JMY: variants seen among roughly 807,000 people sequenced by gnomAD.
JMY encodes junction-mediating and -regulatory protein.
In JMY, 46 loss-of-function variants were observed where a neutral mutation model predicts 103.3. The ratio of observed to expected loss-of-function variants is 0.45; its 90% CI spans 0.35 to 0.57. The LOEUF is 0.57. Ranked by LOEUF, JMY falls within the 20% of genes least tolerant of loss-of-function variation. The pLI is 0.00. For missense variants in JMY, 1,238 were observed against 1,255.2 expected (o/e 0.99, Z 0.21); for synonymous variants, 526 against 489.3 (o/e 1.07, Z -0.99).
At chr5:79,278,173 A>T (rs971148196) in intron 2 of JMY, 90 bp downstream of exon 2, 41 of 346,162 alleles carry the variant, frequency 1.2e-4, no homozygotes, top group Admixed American at 5.3e-4. Flanking sequence ...GGAACTTTAA[A>T]AAAAAAAAAA....
chr5:79,286,427 G>A (rs888295103), intron 2 of JMY, among the ~76,000 whole-genome samples: 4 of 152,102 alleles, frequency 2.6e-5, no homozygotes, highest in African/African-American at 9.7e-5. Context: ...AATCACCTGA[G>A]GTCAGGAGTT....
chr5:79,290,084 A>G (rs1481814600), intron 2 of JMY, 37 bp from the exon 3 acceptor site: 1 of 1,507,370 alleles, frequency 6.6e-7, no homozygotes, highest in Non-Finnish European at 8.9e-7. Flanking sequence ...TAGAAGAAAG[A>G]CTTGAACTTC....
intron 9 of JMY, among the ~76,000 whole-genome samples, chr5:79,315,159 A>T (rs534107929): frequency 4.0e-5 from 6 of 150,258 alleles, no homozygotes; most frequent in East Asian, 1.9e-4. Flanking sequence ...TGAGATTTTT[A>T]AAAAAATACT....
At chr5:79,289,758 A>T (rs1402483051) in intron 2 of JMY, among the ~76,000 whole-genome samples, 1 of 150,486 alleles carries the variant, frequency 6.6e-6, no homozygotes, top group Non-Finnish European at 1.5e-5. Context: ...TTAAGGAAAT[A>T]AACAATTTAA....
Position 79,278,048 on chromosome 5 carries a change from A to G in JMY, c.1171A>G (p.Arg391Gly). The change falls in exon 2 of 11, where the codon AGA (arginine) becomes GGA (glycine). Residue 391 changes from arginine to glycine, a missense_variant. Transcript: ENST00000396137. Reference protein sequence around the residue: ...QYLLQPFRDMRELAMLRRQQI... With the variant: ...QYLLQPFRDMGELAMLRRQQI... ...TTTACTACAGCCATTCCGAGACATG[A>G]GAGAACTTGCCATGCTACGAAGACA... 6.2e-7 allele frequency: 1 copy of G among 1,613,852 alleles called. No individual in the cohort carries two copies. Among genetic ancestry groups the G allele is most frequent in the Non-Finnish European group, 8.5e-7 (1 of 1,179,846 alleles).
At chr5:79,289,967 GTAT>G (rs1307682525) in intron 2 of JMY, among the ~76,000 whole-genome samples, 151 bp from the exon 3 acceptor site, 3 of 152,140 alleles carry the variant, frequency 2.0e-5, no homozygotes, top group East Asian at 1.9e-4. Context: ...AATATCTTCA[GTAT>G]TATTGTTAAT....
chr5:79,300,857 T>A lies in JMY; in HGVS notation c.1875T>A (p.Asn625Lys). Residue 625 changes from asparagine to lysine, a missense_variant, in exon 6 of 11, where the codon AAT becomes AAA. Asn to Lys is a moderately conservative substitution (Grantham distance 94). Coordinates refer to ENST00000396137, the MANE Select transcript of JMY (RefSeq NM_152405.5). ...RVSAKKSYLR[N>K]KKEICIAKHN... The stretch of plus-strand genomic sequence containing the variant: ...CTGCCAAGAAATCCTACCTCAGAAA[T>A]AAAAAGGTATTTAAATATTGCTTTT... The A allele has an allele frequency of 6.3e-7, 1 of 1,588,326 alleles. No homozygotes were observed. Among genetic ancestry groups the A allele is most frequent in the African/African-American group, 1.4e-5 (1 of 73,198 alleles).
In JMY at chr5:79,236,744, A is replaced by G; in HGVS notation, c.94A>G (p.Ile32Val). 6.6e-7 allele frequency: 1 copy of G among 1,508,154 alleles called. No individual in the cohort carries two copies. The highest frequency in any genetic ancestry group is 8.9e-7 in the Non-Finnish European group (1 of 1,126,346). The allele number at this position is 1,508,154 out of a possible 1,614,324, so 93.4% of individuals were successfully genotyped here. A position where few individuals can be genotyped will look rare whatever the true frequency, so the allele number is the denominator to read the frequency against. Residue 32 changes from isoleucine to valine, a missense_variant, in exon 1 of 11, where the codon ATT (isoleucine) becomes GTT (valine). Transcript: ENST00000396137. ...DEREKHKFVF[I>V]VAWNEIEGKF... ...GCGCGAGAAACACAAATTCGTCTTT[A>G]TTGTGGCCTGGAACGAGATTGAGGG...
intron 3 of JMY, among the ~76,000 whole-genome samples, 166 bp downstream of exon 3, chr5:79,290,437 A>G (rs1004064272): frequency 3.3e-5 from 5 of 152,048 alleles, no homozygotes; most frequent in East Asian, 1.9e-4. Context: ...CAGTCTTTTC[A>G]TAGATACATA....
chr5:79,241,960 G>C (rs1017480275), intron 1 of JMY, among the ~76,000 whole-genome samples: 1 of 152,068 alleles, frequency 6.6e-6, no homozygotes, highest in African/African-American at 2.4e-5. Context: ...CTGCAGCTTA[G>C]GTTTGACCTG....
chr5:79,236,413 G>T lies in JMY; in HGVS notation c.-238G>T. The T allele has an allele frequency of 2.7e-6, 1 of 364,204 alleles. No homozygotes were observed. Among genetic ancestry groups the T allele is most frequent in the East Asian group, 4.1e-5 (1 of 24,392 alleles). The allele number at this position is 364,204 out of a possible 1,614,324, so 22.6% of individuals were successfully genotyped here. A position where few individuals can be genotyped will look rare whatever the true frequency, so the allele number is the denominator to read the frequency against. On this transcript the variant is annotated 5_prime_UTR_variant, in exon 1 of 11. Transcript: ENST00000396137. The stretch of plus-strand genomic sequence containing the variant: ...CTTGTAAACAGATCCGGCCGCAGGT[G>T]ACCATGTGAACTACCTGCTCCCGGG...
intron 2 of JMY, among the ~76,000 whole-genome samples, chr5:79,282,180 C>G (rs1746137385): frequency 6.6e-6 from 1 of 152,020 alleles, no homozygotes. Flanking sequence ...GCATTCCAAC[C>G]TGGGTGACAG....
chr5:79,312,513 G>GGTC lies in JMY; in HGVS notation c.2064+16_2064+18dup. 7.4e-7 allele frequency: 1 copy of GGTC among 1,344,152 alleles called. No individual in the cohort carries two copies. Among genetic ancestry groups the GGTC allele is most frequent in the Non-Finnish European group, 1.0e-6 (1 of 987,146 alleles). The allele number at this position is 1,344,152 out of a possible 1,614,324, so 83.3% of individuals were successfully genotyped here. ...CATTTAAACAGGTATTAAAAGTAAT[G>GGTC]GTCCATTTATTGTTTTTCTTTTTTT... On this transcript the variant is annotated intron_variant, in intron 8 of 10. Transcript: ENST00000396137.
intron 2 of JMY, among the ~76,000 whole-genome samples, chr5:79,281,887 G>T (rs901827232): frequency 1.3e-5 from 2 of 152,138 alleles, no homozygotes; most frequent in African/African-American, 4.8e-5. Context: ...CTAACACAAA[G>T]AGCATAAACT....
In JMY at chr5:79,314,466, TGAA is replaced by T. The variant is rs1221920932; in HGVS notation, c.2277_2279del (p.Glu759del). ...CAGAACCCCAGAGCCTTGTGCAACT[TGAA>T]GATACTTCATTAACACAACTTGAAG... On this transcript the variant is annotated inframe_deletion, in exon 9 of 11. Coordinates refer to ENST00000396137, the MANE Select transcript of JMY (RefSeq NM_152405.5). 1 of 1,614,010 alleles carries T rather than the reference TGAA, an allele frequency of 6.2e-7. No individual in the cohort carries two copies. The highest frequency in any genetic ancestry group is 1.7e-5 in the Admixed American group (1 of 59,988).
chr5:79,267,783 T>TG (rs1745628166), intron 1 of JMY, among the ~76,000 whole-genome samples: 1 of 152,250 alleles, frequency 6.6e-6, no homozygotes, highest in Admixed American at 6.5e-5. Context: ...TCCATTCACC[T>TG]GTTGAAAGAC....
At chr5:79,296,740 T>G (rs190990526) in intron 4 of JMY, among the ~76,000 whole-genome samples, 4 of 152,368 alleles carry the variant, frequency 2.6e-5, no homozygotes, top group Non-Finnish European at 5.9e-5. Context: ...ATTTTTTGAA[T>G]GAATGATTCA....
At chr5:79,284,053 TTTTTTTTA>T in intron 2 of JMY, 1 of 993,688 alleles carries the variant, frequency 1.0e-6, no homozygotes, top group Non-Finnish European at 1.4e-6. Flanking sequence ...AATTACTTTC[TTTTTTTTA>T]TTTTTTTATT....
rs1747507850 is a variant in JMY, at chr5:79,322,962, T to G, written c.*1360T>G. ...AAGCCCAGTGTATATGAATTGGTAT[T>G]CCTAGAGAAAAAAAGAAATGCTCAC... On this transcript the variant is annotated 3_prime_UTR_variant, in exon 11 of 11. Transcript: ENST00000396137. 2 of 152,180 alleles carry G rather than the reference T, an allele frequency of 1.3e-5. No homozygotes were observed. The highest frequency in any genetic ancestry group is 4.1e-4 in the South Asian group (2 of 4,836). 9.4% of individuals were successfully genotyped at this position (152,180 alleles called of 1,614,324 possible).
Sources: gnomAD v4.1 joint callset for allele counts (sites outside exome capture counted in the v4.1 genomes callset) on GRCh38, gnomAD v4.1.1 for gene constraint, MANE v1.5 for transcripts, NCBI Gene and HGNC (gene_info 2026-07-23, HGNC 2026-07-21) for gene names.